Variants in SLC4A10 observed in about 807,000 individuals in gnomAD.
SLC4A10 encodes the protein solute carrier family 4 member 10.
SLC4A10 carries 42 observed loss-of-function variants against 137.7 expected under a neutral mutation model. The ratio of observed to expected loss-of-function variants is 0.30; its 90% CI spans 0.24 to 0.39. The LOEUF (loss-of-function observed/expected upper bound fraction) is 0.39, where lower values mean the gene tolerates loss of function less well. SLC4A10 is among the 10% of genes least tolerant of loss of function. SLC4A10 has a pLI of 1.00. For synonymous variants in SLC4A10, 474 were observed against 464.1 expected, an observed-to-expected ratio of 1.02 and a Z score of -0.27; for missense variants, 925 against 1,355.0, an observed-to-expected ratio of 0.68 and a Z score of 4.98.
At chr2:161,690,372 G>A (rs1311148997) in intron 1 of SLC4A10, among the ~76,000 whole-genome samples, 1 of 152,114 alleles carries the variant, frequency 6.6e-6, no homozygotes, top group Non-Finnish European at 1.5e-5. Context: ...TAACCATTGT[G>A]GAAGACAGTG....
chr2:161,731,087 GA>G (rs2046779346), intron 1 of SLC4A10, among the ~76,000 whole-genome samples: 1 of 152,146 alleles, frequency 6.6e-6, no homozygotes, highest in African/African-American at 2.4e-5. Context: ...TTCAGTGAAA[GA>G]AAAAGTATTG....
In SLC4A10 at chr2:161,900,796, G is replaced by A. The variant is rs534843263; in HGVS notation, c.1342-115G>A. 4 of 678,842 alleles carry A rather than the reference G, an allele frequency of 5.9e-6. No homozygotes were observed. In the Admixed American group the frequency reaches 9.3e-5, roughly 16 times the overall value. The allele number at this position is 678,842 out of a possible 1,614,324, so 42.1% of individuals were successfully genotyped here. On this transcript the variant is annotated intron_variant, in intron 11 of 26. Transcript: ENST00000446997. ...CAAGCAACAAGTAAGTACAGAGCCT[G>A]GGTTCTCAGCTATTGTGCATATTGC...
chr2:161,814,328 G>A (rs2056848457), intron 3 of SLC4A10, among the ~76,000 whole-genome samples: 1 of 152,112 alleles, frequency 6.6e-6, no homozygotes, highest in Non-Finnish European at 1.5e-5. Context: ...CACTGTTGGT[G>A]GGAATATAAA....
chr2:161,709,492 A>G (rs947123701), intron 1 of SLC4A10, among the ~76,000 whole-genome samples: 2 of 151,636 alleles, frequency 1.3e-5, no homozygotes, highest in African/African-American at 2.4e-5. Context: ...AGGTAGATAT[A>G]TACTAACGTA....
At chr2:161,873,090 T>A (rs2061239267) in intron 7 of SLC4A10, among the ~76,000 whole-genome samples, 1 of 152,074 alleles carries the variant, frequency 6.6e-6, no homozygotes. Context: ...GGAAAGCAAA[T>A]CATAATATAA....
Position 161,764,255 on chromosome 2 carries a change from A to G in SLC4A10, c.49-6718A>G, listed in dbSNP as rs542313829. ...TTAAGTAAGAAAAGCAAGACACAAG[A>G]AAGTGTTTCTAGCATGCTATCTTTT... On this transcript the variant is annotated intron_variant, in intron 1 of 26. Coordinates refer to ENST00000446997, the MANE Select transcript of SLC4A10 (RefSeq NM_001178015.2). 3.3e-5 allele frequency among the ~76,000 whole-genome samples: 5 copies of G among 152,242 alleles called. No individual in the cohort carries two copies. The East Asian group carries it at 7.7e-4, about 24-fold the overall frequency.
At chr2:161,724,466 T>G (rs554065121) in intron 1 of SLC4A10, among the ~76,000 whole-genome samples, 1 of 152,212 alleles carries the variant, frequency 6.6e-6, no homozygotes, top group African/African-American at 2.4e-5. Flanking sequence ...GCTGAACAGG[T>G]ACTTTGTGAA....
intron 1 of SLC4A10, among the ~76,000 whole-genome samples, chr2:161,662,696 T>C (rs1454326517): frequency 6.6e-6 from 1 of 152,214 alleles, no homozygotes; most frequent in African/African-American, 2.4e-5. Context: ...CATATATTTA[T>C]AAATTTACCT....
chr2:161,872,050 T>C (rs1436507434), intron 6 of SLC4A10, among the ~76,000 whole-genome samples: 1 of 152,174 alleles, frequency 6.6e-6, no homozygotes, highest in Non-Finnish European at 1.5e-5. Context: ...TTATTGAAAA[T>C]AATCTTTTAG....
At chr2:161,904,629 T>A (rs984924799) in intron 13 of SLC4A10, 147 bp from the exon 14 acceptor site, 7 of 872,280 alleles carry the variant, frequency 8.0e-6, no homozygotes, top group Non-Finnish European at 1.2e-5. Flanking sequence ...CCTTTAGTCA[T>A]CCTTCTACCC....
chr2:161,792,145 A>G (rs2054276643), intron 2 of SLC4A10, among the ~76,000 whole-genome samples: 1 of 152,150 alleles, frequency 6.6e-6, no homozygotes. Context: ...TTAATGTGAC[A>G]TGACATGTTT....
At chr2:161,763,738 AG>A (rs1320549134) in intron 1 of SLC4A10, among the ~76,000 whole-genome samples, 1 of 152,166 alleles carries the variant, frequency 6.6e-6, no homozygotes, top group Admixed American at 6.6e-5. Flanking sequence ...GAACTTAACC[AG>A]AAGGTGGAAG....
At chr2:161,850,666 G>T (rs557976620) in intron 4 of SLC4A10, among the ~76,000 whole-genome samples, 24 of 151,986 alleles carry the variant, frequency 1.6e-4, no homozygotes, top group African/African-American at 5.8e-4. Context: ...GCCAAGTCTT[G>T]GTTTTGTTGA....
intron 21 of SLC4A10, 107 bp from the exon 22 acceptor site, chr2:161,964,028 C>T (rs566134548): frequency 4.9e-6 from 4 of 809,914 alleles, no homozygotes; most frequent in Non-Finnish European, 7.5e-6. Context: ...TAGTGTTATC[C>T]AGGTATGTCA....
chr2:161,803,059 TA>T (rs1409052652), intron 2 of SLC4A10, among the ~76,000 whole-genome samples: 11 of 152,248 alleles, frequency 7.2e-5, no homozygotes, highest in Admixed American at 5.9e-4. Context: ...CCTAGTATTT[TA>T]ATGTTTTCTT....
chr2:161,875,507 A>G (rs1034522491), intron 8 of SLC4A10, among the ~76,000 whole-genome samples: 1 of 152,170 alleles, frequency 6.6e-6, no homozygotes, highest in Non-Finnish European at 1.5e-5. Context: ...TATCAAACTT[A>G]CTTAAGGAAT....
At chr2:161,905,530 T>C in intron 14 of SLC4A10, 112 bp from the exon 15 acceptor site, 1 of 1,418,220 alleles carries the variant, frequency 7.1e-7, no homozygotes, top group Non-Finnish European at 9.5e-7. Flanking sequence ...TCATGGGATG[T>C]GAAGCTTATT....
Position 161,964,137 on chromosome 2 carries a change from C to G in SLC4A10, c.2865C>G (p.Phe955Leu). ...ATTTAGTCTGTTTAATCTTTTAGTT[C>G]TTTGATAGGATAAAGCTCTTCTGGA... ...MGASSLKGIQFFDRIKLFWMP... is the reference protein window; with the variant it reads ...MGASSLKGIQLFDRIKLFWMP... Residue 955 changes from phenylalanine to leucine, a missense_variant and splice_region_variant, in exon 22 of 27, where the codon TTC (phenylalanine) becomes TTG (leucine). Transcript: ENST00000446997. 1 of 1,596,934 alleles carries G rather than the reference C, an allele frequency of 6.3e-7. No homozygotes were observed. The highest frequency in any genetic ancestry group is 8.5e-7 in the Non-Finnish European group (1 of 1,171,404).
chr2:161,720,824 C>CTTTT (rs375436761), intron 1 of SLC4A10, among the ~76,000 whole-genome samples: 1 of 145,234 alleles, frequency 6.9e-6, no homozygotes, highest in Non-Finnish European at 1.5e-5. Flanking sequence ...AGTCTTGACT[C>CTTTT]TTTTTTTTTT....
Sources: gnomAD v4.1 joint callset for allele counts (sites outside exome capture counted in the v4.1 genomes callset) on GRCh38, gnomAD v4.1.1 for gene constraint, MANE v1.5 for transcripts, NCBI Gene and HGNC (gene_info 2026-07-23, HGNC 2026-07-21) for gene names.